Variants in PLCL1 observed in about 807,000 individuals in gnomAD.
The protein encoded by PLCL1 is inactive phospholipase C-like protein 1.
Under a neutral mutation model 84.4 loss-of-function variants are expected in PLCL1, and 41 were observed. The observed-to-expected ratio is 0.49, with a 90% CI of 0.38 to 0.63. PLCL1 has a LOEUF of 0.63. Among genes scored for constraint, PLCL1 ranks in the 30% least tolerant of loss-of-function variants. The probability of loss-of-function intolerance (pLI) is 0.00; values close to 1 mark genes in which losing one functional copy is unlikely to be tolerated. For missense variants in PLCL1, 1,206 were observed against 1,367.8 expected (o/e 0.88, Z 1.87); for synonymous variants, 490 against 488.3 (o/e 1.00, Z -0.05).
intron 5 of PLCL1, among the ~76,000 whole-genome samples, chr2:198,145,570 T>C (rs936592191): frequency 2.0e-5 from 3 of 152,208 alleles, no homozygotes; most frequent in Non-Finnish European, 2.9e-5. Flanking sequence ...CCATAATTGA[T>C]GTACTTGAGA....
rs567213297 is a variant in PLCL1, at chr2:197,994,704, T to C, written c.241-89054T>C. 4.6e-5 allele frequency among the ~76,000 whole-genome samples: 7 copies of C among 152,354 alleles called. No homozygotes were observed. The South Asian group carries it at 1.4e-3, about 32-fold the overall frequency. On this transcript the variant is annotated intron_variant, in intron 1 of 5. Transcript: ENST00000428675. ...AAAGTTCACACTAGAAACATTCTTG[T>C]TTAATTTCAGGTGAGTTCAGTAGAG... is the stretch of plus-strand genomic sequence containing the variant.
Position 198,084,103 on chromosome 2 carries a change from G to A in PLCL1, c.586G>A (p.Glu196Lys). The A allele has an allele frequency of 6.2e-7, 1 of 1,614,150 alleles. No homozygotes were observed. The highest frequency in any genetic ancestry group is 8.5e-7 in the Non-Finnish European group (1 of 1,180,012). ...CTGTGCCTTTTCCATACTCCACGGG[G>A]AAAACTATGAGTCTCTGGACCTAGT... Reference protein sequence around the residue: ...EDCAFSILHGENYESLDLVAN... With the variant: ...EDCAFSILHGKNYESLDLVAN... The change falls in exon 2 of 6, where the codon GAA (glutamate) becomes AAA (lysine). Residue 196 changes from glutamate to lysine, a missense_variant. Physicochemically the swap from Glu to Lys is moderately conservative, Grantham distance 56. Transcript: ENST00000428675.
chr2:197,808,549 C>A (rs1323283482), intron 1 of PLCL1, among the ~76,000 whole-genome samples: 1 of 151,986 alleles, frequency 6.6e-6, no homozygotes, highest in Non-Finnish European at 1.5e-5. Context: ...AAATACATAG[C>A]AAATGTTTTA....
In PLCL1 at chr2:198,102,222, T is replaced by C. The variant is rs1693358433; in HGVS notation, c.2995+862T>C. 3.3e-5 allele frequency among the ~76,000 whole-genome samples: 5 copies of C among 152,052 alleles called. 1 individual carries two copies. In the South Asian group the frequency reaches 1.0e-3, roughly 31 times the overall value. The stretch of plus-strand genomic sequence containing the variant: ...GAAGCACAAAAATAATAATACCTGA[T>C]ACTTACATGATGCCAGGCACTGCTC... On this transcript the variant is annotated intron_variant, in intron 4 of 5. Coordinates refer to ENST00000428675, the MANE Select transcript of PLCL1 (RefSeq NM_006226.4).
chr2:197,977,341 G>A (rs1030637693), intron 1 of PLCL1, among the ~76,000 whole-genome samples: 1 of 151,388 alleles, frequency 6.6e-6, no homozygotes, highest in Non-Finnish European at 1.5e-5. Flanking sequence ...CTAGCCACCA[G>A]CTGCTGCATT....
At chr2:198,022,881 A>C (rs1256118566) in intron 1 of PLCL1, among the ~76,000 whole-genome samples, 5 of 152,214 alleles carry the variant, frequency 3.3e-5, no homozygotes, top group Non-Finnish European at 7.3e-5. Context: ...ATGTCTTTAC[A>C]TAATTAGAAA....
chr2:198,013,653 C>T (rs115980435), intron 1 of PLCL1, among the ~76,000 whole-genome samples: 3,766 of 151,932 alleles, frequency 0.025, 167 homozygotes, highest in African/African-American at 0.086. Context: ...ATATGGGTGG[C>T]GATTAGACCA....
At chr2:198,103,772 A>T in intron 4 of PLCL1, 55 bp from the exon 5 acceptor site, 1 of 771,776 alleles carries the variant, frequency 1.3e-6, no homozygotes, top group Non-Finnish European at 2.1e-6. Context: ...TCATTATAAG[A>T]TGCCCATTTT....
At chr2:197,904,224 A>C (rs1365706756) in intron 1 of PLCL1, among the ~76,000 whole-genome samples, 5 of 152,238 alleles carry the variant, frequency 3.3e-5, no homozygotes, top group African/African-American at 1.2e-4. Flanking sequence ...CAGTTTAGGA[A>C]GCAGAGCATT....
intron 1 of PLCL1, among the ~76,000 whole-genome samples, chr2:197,950,443 T>C (rs550540810): frequency 6.6e-6 from 1 of 152,204 alleles, no homozygotes; most frequent in African/African-American, 2.4e-5. Context: ...AGCATAAGCA[T>C]GGGTGGGGCA....
intron 5 of PLCL1, among the ~76,000 whole-genome samples, chr2:198,145,777 A>G (rs1197021406): frequency 6.6e-6 from 1 of 152,222 alleles, no homozygotes; most frequent in Non-Finnish European, 1.5e-5. Flanking sequence ...AGGAAAAAGC[A>G]TTTACTGGCC....
chr2:197,835,846 A>AT (rs914649547), intron 1 of PLCL1, among the ~76,000 whole-genome samples: 109 of 152,148 alleles, frequency 7.2e-4, no homozygotes, highest in African/African-American at 2.3e-3. Context: ...ATATTAACTC[A>AT]TTTTTTTCAG....
At chr2:198,019,890 C>T (rs146276241) in intron 1 of PLCL1, among the ~76,000 whole-genome samples, 283 of 152,222 alleles carry the variant, frequency 1.9e-3, no homozygotes, top group African/African-American at 6.4e-3. Context: ...ACAGAAAACA[C>T]CACAAAGATA....
At chr2:197,809,721 C>T (rs1388771749) in intron 1 of PLCL1, among the ~76,000 whole-genome samples, 1 of 151,806 alleles carries the variant, frequency 6.6e-6, no homozygotes, top group Non-Finnish European at 1.5e-5. Flanking sequence ...TAGGCTGATA[C>T]GCAGGCAGAA....
At chr2:197,879,143 T>A (rs1687785910) in intron 1 of PLCL1, among the ~76,000 whole-genome samples, 1 of 152,178 alleles carries the variant, frequency 6.6e-6, no homozygotes, top group African/African-American at 2.4e-5. Flanking sequence ...TGGAGGCAGT[T>A]TGAGATTGGC....
At chr2:198,074,378 C>T (rs549166714) in intron 1 of PLCL1, among the ~76,000 whole-genome samples, 1 of 152,136 alleles carries the variant, frequency 6.6e-6, no homozygotes, top group Non-Finnish European at 1.5e-5. Flanking sequence ...GCAAAACTCA[C>T]ATAATATTGA....
intron 1 of PLCL1, among the ~76,000 whole-genome samples, chr2:198,075,932 G>T (rs1185979754): frequency 6.6e-6 from 1 of 152,150 alleles, no homozygotes; most frequent in African/African-American, 2.4e-5. Context: ...TTGTGTAAAT[G>T]GAAGTTGTAT....
Position 198,009,528 on chromosome 2 carries a change from T to C in PLCL1, c.241-74230T>C, listed in dbSNP as rs191572376. Among the ~76,000 whole-genome samples the C allele has an allele frequency of 3.8e-3, 576 of 152,142 alleles. 5 individuals carry two copies. The highest frequency in any genetic ancestry group is 0.013 in the African/African-American group (551 of 41,546). On this transcript the variant is annotated intron_variant, in intron 1 of 5. Transcript: ENST00000428675. ...TGGTTTATTTCTGGGCTCTCTATTT[T>C]ACTCCGTTGGTTTATGTATCTTACT...
chr2:198,105,419 C>G (rs188412898), intron 5 of PLCL1, among the ~76,000 whole-genome samples: 3 of 151,990 alleles, frequency 2.0e-5, no homozygotes, highest in Admixed American at 6.6e-5. Context: ...ATTACTGTAG[C>G]CTTGTAGTAT....
Sources: allele counts gnomAD v4.1 joint callset (sites outside exome capture counted in the v4.1 genomes callset), GRCh38; gene constraint gnomAD v4.1.1; transcripts MANE v1.5; gene names NCBI Gene and HGNC (gene_info 2026-07-23, HGNC 2026-07-21).